The following NR6A1 variants were observed in gnomAD, a reference collection of about 807,000 sequenced individuals.
NR6A1 encodes the protein retinoic acid receptor-related testis-associated receptor.
In NR6A1, 7 loss-of-function variants were observed where a neutral mutation model predicts 59.1. That is an observed-to-expected ratio of 0.12 (90% CI 0.07 to 0.22). The LOEUF is 0.22. Ranked by LOEUF, NR6A1 falls within the 10% of genes least tolerant of loss-of-function variation. The probability of loss-of-function intolerance (pLI) is 1.00; values close to 1 mark genes in which losing one functional copy is unlikely to be tolerated. For missense variants in NR6A1, 468 were observed against 611.6 expected (o/e 0.77, Z 2.48); for synonymous variants, 243 against 236.1 (o/e 1.03, Z -0.27).
chr9:124,630,752 C>T (rs928416365), intron 2 of NR6A1, among the ~76,000 whole-genome samples: 24 of 137,316 alleles, frequency 1.7e-4, no homozygotes, highest in African/African-American at 6.7e-4. Flanking sequence ...GATCTCAGCT[C>T]ACCGCAACCT....
At chr9:124,728,667 A>AATAAATAT (rs1839798690) in intron 2 of NR6A1, among the ~76,000 whole-genome samples, 1 of 151,744 alleles carries the variant, frequency 6.6e-6, no homozygotes, top group Admixed American at 6.6e-5. Flanking sequence ...TAAATAAATA[A>AATAAATAT]ATAAAGTACT....
chr9:124,564,425 G>C (rs1834173284), intron 2 of NR6A1, among the ~76,000 whole-genome samples: 1 of 152,112 alleles, frequency 6.6e-6, no homozygotes. Flanking sequence ...TCTATACCAT[G>C]CACAGAAATG....
intron 2 of NR6A1, among the ~76,000 whole-genome samples, chr9:124,621,548 G>C (rs1473197275): frequency 6.6e-6 from 1 of 151,780 alleles, no homozygotes; most frequent in Admixed American, 6.6e-5. Context: ...CAGTAACTTA[G>C]GAGGATACGG....
intron 2 of NR6A1, among the ~76,000 whole-genome samples, chr9:124,708,906 G>T (rs1839205195): frequency 6.6e-6 from 1 of 152,158 alleles, no homozygotes; most frequent in Non-Finnish European, 1.5e-5. Context: ...ACTGGCCCAG[G>T]TCTTAACTCT....
At chr9:124,683,235 G>A (rs530699848) in intron 2 of NR6A1, among the ~76,000 whole-genome samples, 4 of 149,768 alleles carry the variant, frequency 2.7e-5, no homozygotes, top group East Asian at 2.0e-4. Flanking sequence ...GAAAGGGAAA[G>A]GGAAAAGGAA....
chr9:124,599,995 C>T (rs1030621241), intron 2 of NR6A1, among the ~76,000 whole-genome samples: 3 of 152,126 alleles, frequency 2.0e-5, no homozygotes, highest in African/African-American at 7.2e-5. Flanking sequence ...CAGTGTAAAA[C>T]AAAAGACAGC....
At chr9:124,660,338 G>A (rs895828961) in intron 2 of NR6A1, among the ~76,000 whole-genome samples, 3 of 152,138 alleles carry the variant, frequency 2.0e-5, no homozygotes, top group African/African-American at 4.8e-5. Context: ...TTTCTCCCTC[G>A]TACCACAAAG....
intron 2 of NR6A1, among the ~76,000 whole-genome samples, chr9:124,650,039 A>G (rs1837051760): frequency 6.6e-6 from 1 of 152,214 alleles, no homozygotes; most frequent in Admixed American, 6.5e-5. Context: ...AAGTTCCTCA[A>G]ATAACTAAAA....
At chr9:124,564,858 T>C (rs1176969318) in intron 2 of NR6A1, among the ~76,000 whole-genome samples, 3 of 152,138 alleles carry the variant, frequency 2.0e-5, no homozygotes, top group African/African-American at 4.8e-5. Context: ...GGCTCAAAGA[T>C]AGATAAATAG....
chr9:124,554,690 CA>C (rs1833877969), intron 2 of NR6A1, 120 bp from the exon 3 acceptor site: 3 of 1,273,474 alleles, frequency 2.4e-6, no homozygotes, highest in Non-Finnish European at 3.3e-6. Flanking sequence ...AAAGGGCAAA[CA>C]GGGGGCCCAT....
intron 2 of NR6A1, among the ~76,000 whole-genome samples, chr9:124,670,734 C>T (rs1349035373): frequency 6.6e-6 from 1 of 152,022 alleles, no homozygotes; most frequent in Admixed American, 6.6e-5. Context: ...ATATTGGGGG[C>T]CCAAAAATAA....
chr9:124,554,009 T>A (rs776407879), intron 3 of NR6A1, among the ~76,000 whole-genome samples: 1 of 152,134 alleles, frequency 6.6e-6, no homozygotes, highest in Non-Finnish European at 1.5e-5. Context: ...TGCCTTTTCA[T>A]CCAAAAATTT....
intron 2 of NR6A1, among the ~76,000 whole-genome samples, chr9:124,619,079 G>A (rs139323533): frequency 6.6e-6 from 1 of 152,046 alleles, no homozygotes; most frequent in South Asian, 2.1e-4. Flanking sequence ...ATTCATAATA[G>A]AGAACAAATA....
intron 2 of NR6A1, among the ~76,000 whole-genome samples, chr9:124,667,418 A>G (rs915478610): frequency 6.6e-6 from 1 of 152,166 alleles, no homozygotes; most frequent in African/African-American, 2.4e-5. Flanking sequence ...AGGCATAAGT[A>G]TATCTAAAAT....
chr9:124,685,904 T>C (rs1184066579), intron 2 of NR6A1, among the ~76,000 whole-genome samples: 1 of 152,218 alleles, frequency 6.6e-6, no homozygotes, highest in Non-Finnish European at 1.5e-5. Flanking sequence ...TATGAAAGTA[T>C]GAGGTAGATC....
Position 124,733,345 on chromosome 9 carries a change from G to C in NR6A1, c.105C>G (p.Phe35Leu), listed in dbSNP as rs1412762293. The C allele has an allele frequency of 6.2e-7, 1 of 1,612,060 alleles. No homozygotes were observed. Among genetic ancestry groups the C allele is most frequent in the Non-Finnish European group, 8.5e-7 (1 of 1,178,358 alleles). ...AALPPPPRNG[F>L]CQDELAELDP... Reference sequence around the variant, plus strand: ...CAAGCTCTGCCAATTCATCCTGACAGAAACCTAAAGAGAAAACAATAGGAA... The same window carrying C: ...CAAGCTCTGCCAATTCATCCTGACACAAACCTAAAGAGAAAACAATAGGAA... The change falls in exon 2 of 10, where the codon TTC (phenylalanine) becomes TTG (leucine). Residue 35 changes from phenylalanine to leucine, a missense_variant. Physicochemically the swap from Phe to Leu is conservative, Grantham distance 22 (BLOSUM62 0). Around this residue, in one of 4 missense-constraint regions of NR6A1, gnomAD observed 75 missense variants for 65.6 expected, o/e 1.14. Transcript: ENST00000487099.
At chr9:124,615,420 C>G (rs1835859970) in intron 2 of NR6A1, among the ~76,000 whole-genome samples, 1 of 152,140 alleles carries the variant, frequency 6.6e-6, no homozygotes, top group Admixed American at 6.5e-5. Flanking sequence ...CTTAAAGGCC[C>G]ATATAGCACC....
intron 4 of NR6A1, among the ~76,000 whole-genome samples, chr9:124,543,451 T>A (rs944049392): frequency 6.6e-6 from 1 of 152,214 alleles, no homozygotes; most frequent in Non-Finnish European, 1.5e-5. Context: ...ATTTTTTAGA[T>A]GAAATGAACA....
At chr9:124,745,200 C>G (rs960515527) in intron 1 of NR6A1, among the ~76,000 whole-genome samples, 10 of 151,254 alleles carry the variant, frequency 6.6e-5, no homozygotes, top group African/African-American at 9.7e-5. Context: ...ATTAAAAATA[C>G]AATGTAAAAC....
Sources: allele counts gnomAD v4.1 joint callset (sites outside exome capture counted in the v4.1 genomes callset), GRCh38; gene constraint gnomAD v4.1.1; regional missense constraint gnomAD v4.1.1; transcripts MANE v1.5; gene names NCBI Gene and HGNC (gene_info 2026-07-23, HGNC 2026-07-21).